CMTM7: variants seen among roughly 807,000 people sequenced by gnomAD.
CMTM7 encodes CKLF like MARVEL transmembrane domain containing 7.
Under a neutral mutation model 19.3 loss-of-function variants are expected in CMTM7, and 7 were observed. The observed-to-expected ratio is 0.36, with a 90% CI of 0.21 to 0.68. CMTM7 has a LOEUF of 0.68. Among genes scored for constraint, CMTM7 ranks in the 30% least tolerant of loss-of-function variants. The probability of loss-of-function intolerance (pLI) is 0.60; values close to 1 mark genes in which losing one functional copy is unlikely to be tolerated. For synonymous variants in CMTM7, 87 were observed against 99.3 expected (o/e 0.88, Z 0.74); for missense variants, 193 against 232.6 (o/e 0.83, Z 1.11).
At position 32,391,937 on chromosome 3, in the gene CMTM7, A is replaced by C. The variant is rs997951524; in HGVS notation, c.31A>C (p.Thr11Pro). Residue 11 changes from threonine to proline, a missense_variant, in exon 1 of 5, where the codon ACG becomes CCG. Transcript: ENST00000334983. MSHGAGLVRT[T>P]CSSGSALGPG... is the part of the protein sequence containing the mutation. Reference sequence around the variant, plus strand: ...GCACGGAGCCGGGCTCGTCCGCACCACGTGCAGCAGCGGCAGCGCGCTCGG... The same window carrying C: ...GCACGGAGCCGGGCTCGTCCGCACCCCGTGCAGCAGCGGCAGCGCGCTCGG... 24 of 1,228,230 alleles carry C rather than the reference A, an allele frequency of 2.0e-5. No homozygotes were observed. Among genetic ancestry groups the C allele is most frequent in the Non-Finnish European group, 7.1e-6 (7 of 985,432 alleles). The allele number at this position is 1,228,230 out of a possible 1,614,324, so 76.1% of individuals were successfully genotyped here.
chr3:32,436,870 C>T (rs769772184), intron 1 of CMTM7, among the ~76,000 whole-genome samples: 9 of 152,048 alleles, frequency 5.9e-5, no homozygotes, highest in Non-Finnish European at 1.2e-4. Flanking sequence ...AATCAGAAGC[C>T]GACGTCTCTT....
chr3:32,400,401 T>TC (rs1392562814), intron 1 of CMTM7, among the ~76,000 whole-genome samples: 37 of 142,812 alleles, frequency 2.6e-4, no homozygotes, highest in Middle Eastern at 3.6e-3. Context: ...TTCTTCTTCT[T>TC]TTTTTTTTTT....
chr3:32,421,998 T>C (rs1296047577), intron 1 of CMTM7, among the ~76,000 whole-genome samples: 1 of 149,672 alleles, frequency 6.7e-6, no homozygotes, highest in African/African-American at 2.4e-5. Context: ...CTACTGTCTG[T>C]GTTGAGTGAC....
At chr3:32,435,168 C>T (rs1436433460) in intron 1 of CMTM7, among the ~76,000 whole-genome samples, 3 of 152,178 alleles carry the variant, frequency 2.0e-5, no homozygotes, top group South Asian at 2.1e-4. Context: ...CTTTGGGAGG[C>T]CGAGGCGGGT....
intron 2 of CMTM7, among the ~76,000 whole-genome samples, chr3:32,442,436 C>A (rs1035021909): frequency 7.4e-6 from 1 of 135,884 alleles, no homozygotes; most frequent in Non-Finnish European, 1.5e-5. Context: ...GGAGGCGGAG[C>A]TTGCAGTGAG....
chr3:32,423,685 T>G (rs1696380511), intron 1 of CMTM7, among the ~76,000 whole-genome samples: 1 of 151,590 alleles, frequency 6.6e-6, no homozygotes, highest in Non-Finnish European at 1.5e-5. Flanking sequence ...GAGGTGGGGG[T>G]TTATCAAGCT....
chr3:32,427,553 A>G (rs545666452), intron 1 of CMTM7, among the ~76,000 whole-genome samples: 14 of 152,324 alleles, frequency 9.2e-5, no homozygotes, highest in Admixed American at 5.9e-4. Flanking sequence ...ATTTAGATTA[A>G]TGAAAATCAA....
intron 2 of CMTM7, among the ~76,000 whole-genome samples, chr3:32,443,882 A>G (rs1212965103): frequency 1.3e-5 from 2 of 152,056 alleles, no homozygotes; most frequent in Non-Finnish European, 2.9e-5. Flanking sequence ...TGTCTATTCG[A>G]GTCCTTTGCC....
intron 1 of CMTM7, among the ~76,000 whole-genome samples, chr3:32,407,386 G>A (rs1371352023): frequency 6.6e-6 from 1 of 152,150 alleles, no homozygotes; most frequent in Non-Finnish European, 1.5e-5. Context: ...AATGTTTACT[G>A]AACAGAAAAT....
intron 1 of CMTM7, among the ~76,000 whole-genome samples, chr3:32,393,590 G>C (rs1290148990): frequency 6.6e-6 from 1 of 152,052 alleles, no homozygotes; most frequent in African/African-American, 2.4e-5. Context: ...ACATAATGGA[G>C]ATGAAACCTC....
chr3:32,418,992 CATT>C (rs1696306111), intron 1 of CMTM7, among the ~76,000 whole-genome samples: 1 of 152,170 alleles, frequency 6.6e-6, no homozygotes, highest in African/African-American at 2.4e-5. Flanking sequence ...AGAATTGGCT[CATT>C]AATAATATCA....
At chr3:32,414,696 T>C (rs867003047) in intron 1 of CMTM7, among the ~76,000 whole-genome samples, 6 of 152,222 alleles carry the variant, frequency 3.9e-5, no homozygotes, top group African/African-American at 1.4e-4. Context: ...TGTTATGATA[T>C]GGAGCCTGCC....
At chr3:32,412,846 A>G (rs906295164) in intron 1 of CMTM7, among the ~76,000 whole-genome samples, 1 of 152,168 alleles carries the variant, frequency 6.6e-6, no homozygotes, top group Non-Finnish European at 1.5e-5. Context: ...CTATTACAAA[A>G]TTTAATATTT....
chr3:32,450,792 T>C (rs1696818014), intron 3 of CMTM7, among the ~76,000 whole-genome samples: 1 of 152,236 alleles, frequency 6.6e-6, no homozygotes, highest in African/African-American at 2.4e-5. Flanking sequence ...TCCCACTGTG[T>C]TTAGTAATTC....
intron 1 of CMTM7, among the ~76,000 whole-genome samples, chr3:32,394,883 A>G (rs900027736): frequency 2.6e-5 from 4 of 151,320 alleles, no homozygotes; most frequent in African/African-American, 9.7e-5. Flanking sequence ...TTTAGTAGAG[A>G]TGGGGTTTCA....
chr3:32,393,769 T>A (rs1367218844), intron 1 of CMTM7, among the ~76,000 whole-genome samples: 1 of 119,154 alleles, frequency 8.4e-6, no homozygotes, highest in Non-Finnish European at 1.8e-5. Context: ...GGGAGGCCTG[T>A]CTCAAAAAAA....
intron 3 of CMTM7, among the ~76,000 whole-genome samples, chr3:32,450,722 A>G (rs1422977506): frequency 6.6e-6 from 1 of 152,168 alleles, no homozygotes; most frequent in African/African-American, 2.4e-5. Context: ...AGTGCAGGGT[A>G]CTGGAAGAGG....
intron 1 of CMTM7, among the ~76,000 whole-genome samples, chr3:32,405,623 C>T (rs867588656): frequency 6.6e-6 from 1 of 152,164 alleles, no homozygotes; most frequent in Middle Eastern, 3.2e-3. Flanking sequence ...AGTGTGGTGG[C>T]TCGCGCCTGT....
At chr3:32,428,517 G>C (rs1696466998) in intron 1 of CMTM7, among the ~76,000 whole-genome samples, 1 of 152,212 alleles carries the variant, frequency 6.6e-6, no homozygotes, top group Non-Finnish European at 1.5e-5. Context: ...AGGCAGGAAA[G>C]AGGTTTAGAA....
Sources: gnomAD v4.1 joint callset for allele counts (sites outside exome capture counted in the v4.1 genomes callset) on GRCh38, gnomAD v4.1.1 for gene constraint, MANE v1.5 for transcripts, NCBI Gene and HGNC (gene_info 2026-07-23, HGNC 2026-07-21) for gene names.